Variants in PHKB observed in about 807,000 individuals in gnomAD.
PHKB encodes the protein phosphorylase kinase regulatory subunit beta, also known as phosphorylase b kinase regulatory subunit beta.
Under a neutral mutation model 152.1 loss-of-function variants are expected in PHKB, and 122 were observed. The ratio of observed to expected loss-of-function variants is 0.80; its 90% CI spans 0.69 to 0.93. The LOEUF (loss-of-function observed/expected upper bound fraction) is 0.93. PHKB is among the 40% of genes least tolerant of loss of function. PHKB has a pLI of 0.00. For missense variants in PHKB, 1,304 were observed against 1,328.4 expected, an observed-to-expected ratio of 0.98 and a Z score of 0.29; for synonymous variants, 436 against 464.9, an observed-to-expected ratio of 0.94 and a Z score of 0.80.
intron 7 of PHKB, among the ~76,000 whole-genome samples, chr16:47,574,101 G>T (rs201605094): frequency 6.6e-6 from 1 of 152,150 alleles, no homozygotes; most frequent in African/African-American, 2.4e-5. Flanking sequence ...TGTATTTTTA[G>T]TAGAGACAGG....
At chr16:47,546,952 C>T (rs1716300893) in intron 6 of PHKB, among the ~76,000 whole-genome samples, 1 of 152,126 alleles carries the variant, frequency 6.6e-6, no homozygotes, top group Admixed American at 6.5e-5. Flanking sequence ...TTTGCCAAGA[C>T]CAGTGGAAAA....
chr16:47,587,134 G>A (rs1971947952), intron 8 of PHKB, among the ~76,000 whole-genome samples: 1 of 152,098 alleles, frequency 6.6e-6, no homozygotes, highest in African/African-American at 2.4e-5. Flanking sequence ...CAATCCATGT[G>A]ACACATAAAG....
intron 14 of PHKB, among the ~76,000 whole-genome samples, chr16:47,617,827 A>G (rs1399331111): frequency 2.0e-5 from 3 of 152,248 alleles, no homozygotes; most frequent in African/African-American, 4.8e-5. Context: ...GGTTGGGAAC[A>G]AAGAAGACTC....
intron 10 of PHKB, among the ~76,000 whole-genome samples, chr16:47,589,356 T>C (rs998473795): frequency 6.6e-6 from 1 of 152,248 alleles, no homozygotes; most frequent in Non-Finnish European, 1.5e-5. Flanking sequence ...TAGTGAATGC[T>C]CAGTAAGTGT....
At chr16:47,564,101 A>G (rs746376647) in intron 7 of PHKB, among the ~76,000 whole-genome samples, 7 of 135,706 alleles carry the variant, frequency 5.2e-5, no homozygotes, top group South Asian at 2.3e-4. Context: ...AGTTGATTCT[A>G]TGTCTTTATA....
rs60257295 is a variant in PHKB, at chr16:47,578,758, G to A, written c.711-1537G>A. ...ACACCACCATGACTAAGAGAGTTGG[G>A]AGTTGAGCATTGTGCCTCATGATAG... On this transcript the variant is annotated intron_variant, in intron 7 of 30. Coordinates refer to ENST00000323584, the MANE Select transcript of PHKB (RefSeq NM_000293.3). Among the ~76,000 whole-genome samples the A allele has an allele frequency of 6.5e-3, 990 of 152,280 alleles. 6 individuals carry two copies. Among genetic ancestry groups the A allele is most frequent in the Middle Eastern group, 0.02 (6 of 294 alleles).
chr16:47,608,765 A>G (rs1972372937), intron 13 of PHKB, among the ~76,000 whole-genome samples: 1 of 152,248 alleles, frequency 6.6e-6, no homozygotes, highest in Admixed American at 6.5e-5. Context: ...GTCAAAAATC[A>G]GTTGACTATA....
At chr16:47,475,561 G>A (rs1284280838) in intron 1 of PHKB, among the ~76,000 whole-genome samples, 1 of 152,184 alleles carries the variant, frequency 6.6e-6, no homozygotes, top group Non-Finnish European at 1.5e-5. Flanking sequence ...GAAATTTGTA[G>A]TGAGAAACCC....
At chr16:47,499,531 T>G (rs1465217604) in intron 2 of PHKB, among the ~76,000 whole-genome samples, 1 of 152,252 alleles carries the variant, frequency 6.6e-6, no homozygotes, top group Non-Finnish European at 1.5e-5. Context: ...CCTAATTAGC[T>G]GAGTCCTTTC....
At chr16:47,568,737 T>C (rs529370872) in intron 7 of PHKB, among the ~76,000 whole-genome samples, 1 of 152,304 alleles carries the variant, frequency 6.6e-6, no homozygotes, top group African/African-American at 2.4e-5. Flanking sequence ...TTATTATTCA[T>C]TTCAAAATTT....
chr16:47,543,052 T>G (rs1020791620), intron 6 of PHKB, among the ~76,000 whole-genome samples: 2 of 152,190 alleles, frequency 1.3e-5, no homozygotes, highest in African/African-American at 4.8e-5. Flanking sequence ...ATAGGAGTGG[T>G]GAGAGAGGGC....
At chr16:47,651,451 G>A (rs1219822423) in intron 20 of PHKB, among the ~76,000 whole-genome samples, 4 of 152,254 alleles carry the variant, frequency 2.6e-5, no homozygotes, top group South Asian at 2.1e-4. Flanking sequence ...GTGGGGTTCT[G>A]TCCCTCTGCT....
intron 7 of PHKB, chr16:47,561,928 G>A (rs1971482499): frequency 6.6e-6 from 1 of 152,162 alleles, no homozygotes; most frequent in Admixed American, 6.5e-5. Context: ...TCTGTTGAGT[G>A]GCCCTTTTTG....
intron 6 of PHKB, among the ~76,000 whole-genome samples, chr16:47,542,478 T>C (rs1008127357): frequency 2.0e-5 from 3 of 152,192 alleles, no homozygotes; most frequent in Non-Finnish European, 4.4e-5. Flanking sequence ...CTCTTGGCAA[T>C]GCGGGATCTT....
chr16:47,611,292 C>T (rs1266110512), intron 14 of PHKB, among the ~76,000 whole-genome samples: 2 of 152,088 alleles, frequency 1.3e-5, no homozygotes, highest in African/African-American at 2.4e-5. Context: ...GACAGGGCTG[C>T]GTGACTGACA....
chr16:47,648,778 A>G (rs1273426642), intron 17 of PHKB, among the ~76,000 whole-genome samples, 162 bp downstream of exon 17: 1 of 152,218 alleles, frequency 6.6e-6, no homozygotes, highest in Non-Finnish European at 1.5e-5. Flanking sequence ...TTAGCATCAT[A>G]TCATGGAAGT....
chr16:47,678,538 T>C (rs1377843553), intron 26 of PHKB, among the ~76,000 whole-genome samples: 1 of 152,130 alleles, frequency 6.6e-6, no homozygotes, highest in African/African-American at 2.4e-5. Context: ...GAGCATTTTT[T>C]CATGTGTTTT....
At chr16:47,541,221 G>A (rs970620224) in intron 6 of PHKB, among the ~76,000 whole-genome samples, 9 of 151,938 alleles carry the variant, frequency 5.9e-5, no homozygotes, top group Middle Eastern at 6.8e-3. Flanking sequence ...TGTTCAATTC[G>A]CACCTATGAG....
At chr16:47,685,429 A>G (rs1490008839) in intron 26 of PHKB, among the ~76,000 whole-genome samples, 4 of 152,180 alleles carry the variant, frequency 2.6e-5, no homozygotes, top group Non-Finnish European at 5.9e-5. Context: ...CTCCTCAAAA[A>G]GAAAAAAAAA....
Sources: gnomAD v4.1 joint callset for allele counts (sites outside exome capture counted in the v4.1 genomes callset) on GRCh38, gnomAD v4.1.1 for gene constraint, MANE v1.5 for transcripts, NCBI Gene and HGNC (gene_info 2026-07-23, HGNC 2026-07-21) for gene names.